The following STS variants were observed in gnomAD, a reference collection of about 807,000 sequenced individuals.
STS encodes the protein steryl-sulfatase.
Under a neutral mutation model 26.8 loss-of-function variants are expected in STS, and 7 were observed. That is an observed-to-expected ratio of 0.26 (90% CI 0.15 to 0.49). The LOEUF (loss-of-function observed/expected upper bound fraction) is 0.49. Among genes scored for constraint, STS ranks in the 20% least tolerant of loss-of-function variants. STS has a pLI of 0.98. For missense variants in STS, 434 were observed against 465.6 expected (o/e 0.93, Z 0.63); for synonymous variants, 199 against 189.4 (o/e 1.05, Z -0.42).
intron 2 of STS, among the ~76,000 whole-genome samples, chrX:7,238,223 T>A (rs1922423500): frequency 1.0e-5 from 1 of 100,248 alleles, no homozygotes; most frequent in Non-Finnish European, 2.0e-5. Context: ...GATAGATAGA[T>A]AGCACATTGT....
chrX:7,240,533 G>GTGTGTGTGTATATA (rs1373072915), intron 2 of STS, among the ~76,000 whole-genome samples: 1 of 60,550 alleles, frequency 1.7e-5, no homozygotes, highest in African/African-American at 6.5e-5. Context: ...GTGTGTGTGT[G>GTGTGTGTGTATATA]TATATATATA....
chrX:7,160,354 T>C (rs1933217515), intron 1 of STS, among the ~76,000 whole-genome samples: 1 of 112,277 alleles, frequency 8.9e-6, no homozygotes, highest in Non-Finnish European at 1.9e-5. Flanking sequence ...AAAGAAAATA[T>C]CTGTAAAACC....
At chrX:7,269,245 G>C (rs1234826197) in intron 6 of STS, among the ~76,000 whole-genome samples, 1 of 89,729 alleles carries the variant, frequency 1.1e-5, no homozygotes, top group Non-Finnish European at 2.2e-5. Flanking sequence ...AGGGATGTTC[G>C]TCTTTTGCCA....
rs1928879969 is a variant in STS at position 7,353,343 on chromosome X, T to A, written c.*3082T>A. 1 of 111,620 alleles carries A rather than the reference T, an allele frequency of 9.0e-6. No individual in the cohort carries two copies. The highest frequency in any genetic ancestry group is 2.8e-4 in the East Asian group (1 of 3,584). 9.2% of individuals were successfully genotyped at this position (111,620 alleles called of 1,213,427 possible). A position where few individuals can be genotyped will look rare whatever the true frequency, so the allele number is the denominator to read the frequency against. ...CTTTTAAGGGGCCTACAAAAATGTT[T>A]TATTTTATAATCAGAAGAAAAGGAA... On this transcript the variant is annotated 3_prime_UTR_variant, in exon 11 of 11. Coordinates refer to ENST00000674429, the MANE Select transcript of STS (RefSeq NM_001320752.2).
intron 7 of STS, among the ~76,000 whole-genome samples, chrX:7,284,663 A>G (rs1189726808): frequency 3.6e-5 from 4 of 112,361 alleles, no homozygotes; most frequent in Admixed American, 9.4e-5. Context: ...ATAAAGATAA[A>G]TAAATAGAGC....
chrX:7,283,051 T>C (rs768004656), intron 7 of STS, among the ~76,000 whole-genome samples: 1 of 112,561 alleles, frequency 8.9e-6, no homozygotes, highest in South Asian at 3.7e-4. Context: ...CCATGTTCTA[T>C]TTGACATTCT....
rs183917347 is a variant in STS, at chrX:7,165,865, C to A, written c.-134+17782C>A. ...AAATATCTTCAGACATTGCCAATGTCCCCCGGGGGTCAAATTGGGCCCTGG... is the reference window on the plus strand; with the variant it reads ...AAATATCTTCAGACATTGCCAATGTACCCCGGGGGTCAAATTGGGCCCTGG... On this transcript the variant is annotated intron_variant, in intron 1 of 10. Transcript: ENST00000674429. Among the ~76,000 whole-genome samples the A allele has an allele frequency of 5.4e-5, 6 of 111,210 alleles. No homozygotes were observed. In the East Asian group the frequency reaches 1.4e-3, roughly 26 times the overall value.
At chrX:7,331,888 A>T (rs1391512568) in intron 9 of STS, among the ~76,000 whole-genome samples, 1 of 13,424 alleles carries the variant, frequency 7.4e-5, no homozygotes, top group Non-Finnish European at 1.7e-4. Context: ...GTGGGATATT[A>T]AAAAAAAAAA....
At chrX:7,259,313 A>ATTCC in intron 5 of STS, 36 bp from the exon 6 acceptor site, 1 of 1,179,324 alleles carries the variant, frequency 8.5e-7, no homozygotes, top group Non-Finnish European at 1.2e-6. Flanking sequence ...CAGGGTGTTT[A>ATTCC]TTGGGACTGA....
At chrX:7,221,815 A>G (rs1921581549) in intron 2 of STS, among the ~76,000 whole-genome samples, 1 of 112,217 alleles carries the variant, frequency 8.9e-6, no homozygotes, top group South Asian at 3.8e-4. Flanking sequence ...GTGGACATTC[A>G]CCTAATATAC....
At chrX:7,328,527 A>G (rs1338114932) in intron 9 of STS, among the ~76,000 whole-genome samples, 2 of 106,045 alleles carry the variant, frequency 1.9e-5, no homozygotes, top group Admixed American at 2.1e-4. Context: ...GATTCCTTTC[A>G]TGGACCTCAG....
chrX:7,273,550 T>C (rs1201239790), intron 6 of STS, among the ~76,000 whole-genome samples: 2 of 112,137 alleles, frequency 1.8e-5, no homozygotes, highest in Non-Finnish European at 3.8e-5. Flanking sequence ...GAAGGAACGC[T>C]GCTCAGAGAG....
Position 7,190,929 on chromosome X carries a change from T to C in STS, c.-84T>C, listed in dbSNP as rs768210007. 5 of 744,837 alleles carry C rather than the reference T, an allele frequency of 6.7e-6. No homozygotes were observed. Among genetic ancestry groups the C allele is most frequent in the Non-Finnish European group, 7.9e-6 (5 of 630,694 alleles). The allele number at this position is 744,837 out of a possible 1,213,427, so 61.4% of individuals were successfully genotyped here. On this transcript the variant is annotated 5_prime_UTR_variant, in exon 2 of 11. Coordinates refer to ENST00000674429, the MANE Select transcript of STS (RefSeq NM_001320752.2). Reference sequence around the variant, plus strand: ...ACTCTACTAAGAGCCCCTCAGTTGCTGAACCTGCACACAGTCATCTCAGTA... The same window carrying C: ...ACTCTACTAAGAGCCCCTCAGTTGCCGAACCTGCACACAGTCATCTCAGTA...
At chrX:7,299,021 A>T (rs1326380076) in intron 7 of STS, among the ~76,000 whole-genome samples, 1 of 54,604 alleles carries the variant, frequency 1.8e-5, no homozygotes, top group Non-Finnish European at 3.5e-5. Context: ...TATATATATA[A>T]ATATATTTTA....
intron 1 of STS, among the ~76,000 whole-genome samples, chrX:7,154,615 G>A (rs757430335): frequency 8.9e-6 from 1 of 112,182 alleles, no homozygotes; most frequent in Non-Finnish European, 1.9e-5. Context: ...ACCTGAAAAC[G>A]ATCAGGGTGG....
intron 2 of STS, among the ~76,000 whole-genome samples, chrX:7,205,587 T>G (rs79002531): frequency 2.1e-5 from 1 of 47,297 alleles, no homozygotes; most frequent in African/African-American, 1.4e-4. Flanking sequence ...TTTGGTTTTC[T>G]TTTTCTTTTT....
intron 2 of STS, among the ~76,000 whole-genome samples, chrX:7,231,311 A>G (rs765705941): frequency 1.1e-4 from 12 of 112,164 alleles, no homozygotes; most frequent in Admixed American, 1.9e-4. Context: ...GATGTACTAA[A>G]TGCCACTGAG....
intron 2 of STS, among the ~76,000 whole-genome samples, chrX:7,234,081 G>A (rs1051589945): frequency 9.0e-6 from 1 of 111,723 alleles, no homozygotes; most frequent in Non-Finnish European, 1.9e-5. Flanking sequence ...TGCTGCCCAT[G>A]GTTTTGTTCT....
intron 1 of STS, among the ~76,000 whole-genome samples, chrX:7,189,324 A>G (rs1933830979): frequency 8.9e-6 from 1 of 112,023 alleles, no homozygotes; most frequent in Non-Finnish European, 1.9e-5. Context: ...CTTTCTTTTG[A>G]GACCCATTTT....
Sources: allele counts gnomAD v4.1 joint callset (sites outside exome capture counted in the v4.1 genomes callset), GRCh38; gene constraint gnomAD v4.1.1; transcripts MANE v1.5; gene names NCBI Gene and HGNC (gene_info 2026-07-23, HGNC 2026-07-21).